Variants in ZNF679 observed in about 807,000 individuals in gnomAD.
ZNF679 encodes hypothetical protein MGC42415.
ZNF679 carries 10 observed loss-of-function variants against 13.4 expected under a neutral mutation model. That is an observed-to-expected ratio of 0.75 (90% CI 0.46 to 1.27). The LOEUF is 1.27. ZNF679 is among the 50% of genes most tolerant of loss of function. The pLI is 0.00. For missense variants in ZNF679, 525 were observed against 477.8 expected (o/e 1.10, Z -0.92); for synonymous variants, 179 against 162.5 (o/e 1.10, Z -0.77).
chr7:64,253,205 AT>A (rs1485052587), intron 2 of ZNF679, among the ~76,000 whole-genome samples: 1 of 152,146 alleles, frequency 6.6e-6, no homozygotes, highest in East Asian at 1.9e-4. Context: ...GCACCTTAAC[AT>A]TTTTTCCCTT....
chr7:64,232,610 C>T (rs1034068774), intron 1 of ZNF679, among the ~76,000 whole-genome samples: 9 of 152,064 alleles, frequency 5.9e-5, no homozygotes, highest in Non-Finnish European at 1.2e-4. Flanking sequence ...TGCTTGGCCC[C>T]GTGATATGGT....
At position 64,254,053 on chromosome 7, in the gene ZNF679, G is replaced by A. The variant is rs141769289; in HGVS notation, c.39+4897G>A. On this transcript the variant is annotated intron_variant, in intron 2 of 4. Transcript: ENST00000421025. The stretch of plus-strand genomic sequence containing the variant: ...CCATCTAAGTCATAATGGGGAGAAC[G>A]TTTCTTTCTGTTAAGCTGTTGCTGA... Among the ~76,000 whole-genome samples the A allele has an allele frequency of 7.4e-3, 1,125 of 152,134 alleles. 18 individuals are homozygous for A. Among genetic ancestry groups the A allele is most frequent in the Middle Eastern group, 0.038 (11 of 292 alleles).
At chr7:64,245,426 A>G (rs111948689) in intron 1 of ZNF679, among the ~76,000 whole-genome samples, 60,117 of 148,126 alleles carry the variant, frequency 0.41, 13,021 homozygotes, top group African/African-American at 0.55. Flanking sequence ...AGAGAAAGAG[A>G]GAGAGAGAGA....
At chr7:64,236,969 GAAAGAAAAAGAAAGAAA>G (rs1787731528) in intron 1 of ZNF679, among the ~76,000 whole-genome samples, 1 of 33,572 alleles carries the variant, frequency 3.0e-5, no homozygotes. Flanking sequence ...AAGAAAGAAA[GAAAGAAAAAGAAAGAAA>G]GAAAGAAAGA....
intron 4 of ZNF679, among the ~76,000 whole-genome samples, chr7:64,263,179 C>A (rs1259234886): frequency 1.3e-5 from 2 of 152,114 alleles, no homozygotes; most frequent in Non-Finnish European, 2.9e-5. Flanking sequence ...GCAGCCTAAA[C>A]CTCCTGGACT....
chr7:64,233,166 G>A (rs949525667), intron 1 of ZNF679, among the ~76,000 whole-genome samples: 3 of 151,962 alleles, frequency 2.0e-5, no homozygotes, highest in East Asian at 1.9e-4. Context: ...ACTTGAATCC[G>A]GGAGGAGGTT....
chr7:64,262,379 A>G (rs1788088408), intron 4 of ZNF679, among the ~76,000 whole-genome samples: 1 of 152,192 alleles, frequency 6.6e-6, no homozygotes, highest in South Asian at 2.1e-4. Context: ...CATGCATTTG[A>G]TGGCATGTCT....
At chr7:64,250,517 G>A (rs565615349) in intron 2 of ZNF679, among the ~76,000 whole-genome samples, 1 of 151,918 alleles carries the variant, frequency 6.6e-6, no homozygotes, top group Non-Finnish European at 1.5e-5. Context: ...TGATCTGGCC[G>A]CCTTTGCCAC....
At chr7:64,245,996 G>T (rs192211250) in intron 1 of ZNF679, among the ~76,000 whole-genome samples, 1 of 152,256 alleles carries the variant, frequency 6.6e-6, no homozygotes, top group South Asian at 2.1e-4. Context: ...ACAAGAGCGA[G>T]ACTCCGTCTC....
intron 1 of ZNF679, among the ~76,000 whole-genome samples, chr7:64,245,442 A>AGAGG (rs1300686477): frequency 2.0e-5 from 3 of 148,706 alleles, no homozygotes; most frequent in South Asian, 4.3e-4. Flanking sequence ...AGAGAGAGAG[A>AGAGG]GGGAGAGAGA....
intron 1 of ZNF679, among the ~76,000 whole-genome samples, chr7:64,236,453 GA>G (rs36066976): frequency 0.015 from 2,209 of 145,142 alleles, 40 homozygotes; most frequent in East Asian, 0.05. Context: ...TTTGTGGGGG[GA>G]AAAAAAAAAG....
At chr7:64,239,902 G>C (rs1193419138) in intron 1 of ZNF679, among the ~76,000 whole-genome samples, 1 of 152,116 alleles carries the variant, frequency 6.6e-6, no homozygotes, top group East Asian at 1.9e-4. Context: ...ACATATTGCT[G>C]GGCCCAGTAC....
At chr7:64,262,775 C>T (rs1788094791) in intron 4 of ZNF679, among the ~76,000 whole-genome samples, 1 of 152,064 alleles carries the variant, frequency 6.6e-6, no homozygotes, top group Non-Finnish European at 1.5e-5. Context: ...GTGTGTTTCT[C>T]TAGATATAGT....
intron 2 of ZNF679, 33 bp downstream of exon 2, chr7:64,249,189 G>A (rs965768070): frequency 1.2e-6 from 2 of 1,613,978 alleles, no homozygotes; most frequent in Admixed American, 1.7e-5. Context: ...TGAGAGAGGG[G>A]TGAGGGCTGG....
In ZNF679 at chr7:64,238,539, C is replaced by G. The variant is rs531545011; in HGVS notation, c.-91+9887C>G. Among the ~76,000 whole-genome samples the G allele has an allele frequency of 2.6e-5, 4 of 152,176 alleles. No homozygotes were observed. In the South Asian group the frequency reaches 6.2e-4, roughly 24 times the overall value. On this transcript the variant is annotated intron_variant, in intron 1 of 4. Coordinates refer to ENST00000421025, the MANE Select transcript of ZNF679 (RefSeq NM_153363.3). Reference sequence around the variant, plus strand: ...AGTAGCTGGGATTACAGGTACCCACCACCACGCCTAGCTAATCTTTGTATT... The same window carrying G: ...AGTAGCTGGGATTACAGGTACCCACGACCACGCCTAGCTAATCTTTGTATT...
At chr7:64,261,657 C>T (rs1041100016) in intron 4 of ZNF679, among the ~76,000 whole-genome samples, 1 of 151,950 alleles carries the variant, frequency 6.6e-6, no homozygotes, top group African/African-American at 2.4e-5. Flanking sequence ...ACTTCAATTT[C>T]TTTACATCAA....
intron 1 of ZNF679, among the ~76,000 whole-genome samples, chr7:64,235,216 G>A (rs921249389): frequency 2.0e-5 from 3 of 151,718 alleles, no homozygotes; most frequent in Non-Finnish European, 4.4e-5. Flanking sequence ...ACAAATATGT[G>A]GATAGTAAAC....
intron 4 of ZNF679, among the ~76,000 whole-genome samples, chr7:64,264,206 A>G (rs1584239156): frequency 1.3e-5 from 2 of 151,932 alleles, no homozygotes; most frequent in East Asian, 3.9e-4. Context: ...GCTACACTGG[A>G]GATTTCATAA....
rs541677086 is a variant in ZNF679, at chr7:64,248,352, G to C, written c.-90-676G>C. 7.3e-5 allele frequency among the ~76,000 whole-genome samples: 11 copies of C among 151,504 alleles called. No individual in the cohort carries two copies. In the South Asian group the frequency reaches 1.0e-3, roughly 14 times the overall value. On this transcript the variant is annotated intron_variant, in intron 1 of 4. Transcript: ENST00000421025. ...GGCTGCAGTGCAGTGGCACGATCTC[G>C]GCTCACTGCAAACTCCCCCTCCCGG... is the stretch of plus-strand genomic sequence containing the variant.
Sources: allele counts gnomAD v4.1 joint callset (sites outside exome capture counted in the v4.1 genomes callset), GRCh38; gene constraint gnomAD v4.1.1; transcripts MANE v1.5; gene names NCBI Gene and HGNC (gene_info 2026-07-23, HGNC 2026-07-21).